Variants in DDX25 observed in about 807,000 individuals in gnomAD.
The protein encoded by DDX25 is DEAD-box helicase 25.
DDX25 carries 70 observed loss-of-function variants against 64.6 expected under a neutral mutation model. The observed-to-expected ratio is 1.08, with a 90% CI of 0.89 to 1.32. The LOEUF (loss-of-function observed/expected upper bound fraction) is 1.32, where lower values mean the gene tolerates loss of function less well. DDX25 is among the 40% of genes most tolerant of loss of function. The probability of loss-of-function intolerance (pLI) is 0.00; values close to 1 mark genes in which losing one functional copy is unlikely to be tolerated. For missense variants in DDX25, 587 were observed against 604.4 expected, an observed-to-expected ratio of 0.97 and a Z score of 0.30; for synonymous variants, 211 against 213.3, an observed-to-expected ratio of 0.99 and a Z score of 0.09.
In DDX25 at chr11:125,914,866, A is replaced by G. The variant is rs1315533451; in HGVS notation, c.801-2148A>G. Among the ~76,000 whole-genome samples the G allele has an allele frequency of 1.3e-5, 2 of 152,180 alleles. 1 individual carries two copies. The highest frequency in any genetic ancestry group is 2.9e-5 in the Non-Finnish European group (2 of 68,040). On this transcript the variant is annotated intron_variant, in intron 8 of 11. Transcript: ENST00000263576. ...GTTCTCCTGCCTCAGCCTCAAGAGT[A>G]GCTGTAGCTGGGATCACAGGCACGT...
In DDX25 at chr11:125,923,132, A is replaced by G; in HGVS notation, c.*251A>G. The G allele has an allele frequency of 2.2e-6, 1 of 450,382 alleles. No homozygotes were observed. 27.9% of individuals were successfully genotyped at this position (450,382 alleles called of 1,614,324 possible). On this transcript the variant is annotated 3_prime_UTR_variant, in exon 12 of 12. Transcript: ENST00000263576. ...CTAATCTTTGTACAGGTAATGTCTC[A>G]ATGTGGGCTATGGGGGTGTTTTTGG... is the stretch of plus-strand genomic sequence containing the variant.
chr11:125,906,728 A>C (rs544222595), intron 4 of DDX25, among the ~76,000 whole-genome samples: 13 of 147,550 alleles, frequency 8.8e-5, no homozygotes, highest in Admixed American at 8.4e-4. Flanking sequence ...CGGGAGGCTG[A>C]GGTAGGAGAA....
rs1312144515 is a variant in DDX25, at chr11:125,905,584, TGAA to T, written c.168_170del (p.Glu56del). 3.8e-5 allele frequency: 59 copies of T among 1,551,632 alleles called. No individual in the cohort carries two copies. Among genetic ancestry groups the T allele is most frequent in the Non-Finnish European group, 4.6e-5 (53 of 1,146,878 alleles). On this transcript the variant is annotated inframe_deletion, in exon 3 of 12. Transcript: ENST00000263576. ...CTATTAATAACATCAATGAAGATGATGAAGAAGATGTAGGTAGGAGATGAATTC... is the reference window on the plus strand; with the variant it reads ...CTATTAATAACATCAATGAAGATGATGAAGATGTAGGTAGGAGATGAATTC...
rs1945115419 is a variant in DDX25, at chr11:125,921,496, G to A, written c.1390+117G>A. 8.5e-7 allele frequency: 1 copy of A among 1,176,494 alleles called. No individual in the cohort carries two copies. The highest frequency in any genetic ancestry group is 1.5e-5 in the African/African-American group (1 of 64,706). The allele number at this position is 1,176,494 out of a possible 1,614,324, so 72.9% of individuals were successfully genotyped here. ...AGAGTAGTAGAAGCAGAATGCATGAGCTGGAAGGCTTCTAATTCACAGGAC... is the reference window on the plus strand; with the variant it reads ...AGAGTAGTAGAAGCAGAATGCATGAACTGGAAGGCTTCTAATTCACAGGAC... On this transcript the variant is annotated intron_variant, in intron 11 of 11. Transcript: ENST00000263576. This position sits in a 1 kb window ranked among gnomAD's most constrained non-coding sequence, Gnocchi z 4.1.
At chr11:125,909,279 G>A (rs565107339) in intron 6 of DDX25, among the ~76,000 whole-genome samples, 9 of 152,256 alleles carry the variant, frequency 5.9e-5, no homozygotes, top group East Asian at 1.9e-4. Context: ...GAAATCTTAC[G>A]CATTTTAGAC....
rs766209851 is a variant in DDX25, at chr11:125,911,484, C to G, written c.796C>G (p.Gln266Glu). The change falls in exon 8 of 12, where the codon CAA becomes GAA. Residue 266 changes from glutamine (Q) to glutamate (E), a missense_variant. Coordinates refer to ENST00000263576, the MANE Select transcript of DDX25 (RefSeq NM_013264.5). ...ATTCTCAGATCATAGTATTCGTATT[C>G]AAAGGTAATCTTCAGAGTCTTCCTC... ...QGFSDHSIRIQRALPSECQML... is the reference protein window; with the variant it reads ...QGFSDHSIRIERALPSECQML... 45 of 1,613,242 alleles carry G rather than the reference C, an allele frequency of 2.8e-5. No individual in the cohort carries two copies. In the Admixed American group the frequency reaches 7.5e-4, roughly 27 times the overall value.
intron 10 of DDX25, among the ~76,000 whole-genome samples, chr11:125,919,169 T>C (rs530761928): frequency 6.6e-6 from 1 of 152,354 alleles, no homozygotes; most frequent in Admixed American, 6.5e-5. Context: ...TAGTATTCTA[T>C]TGACAGTTCG....
intron 7 of DDX25, 84 bp from the exon 8 acceptor site, chr11:125,911,227 G>A (rs1454014188): frequency 8.3e-7 from 1 of 1,211,010 alleles, no homozygotes; most frequent in Non-Finnish European, 1.1e-6. Flanking sequence ...TTTTGCTTAT[G>A]AGCTTTATAT....
intron 6 of DDX25, 137 bp from the exon 7 acceptor site, chr11:125,910,227 A>G: frequency 1.5e-6 from 1 of 662,712 alleles, no homozygotes. Flanking sequence ...AACTGTATCC[A>G]ATTAAAAATA....
At position 125,921,510 on chromosome 11, in the gene DDX25, A is replaced by G; in HGVS notation, c.1390+131A>G. 1 of 983,454 alleles carries G rather than the reference A, an allele frequency of 1.0e-6. No homozygotes were observed. The highest frequency in any genetic ancestry group is 1.5e-6 in the Non-Finnish European group (1 of 685,772). 60.9% of individuals were successfully genotyped at this position (983,454 alleles called of 1,614,324 possible). Reference sequence around the variant, plus strand: ...AGAATGCATGAGCTGGAAGGCTTCTAATTCACAGGACCAGGGTTCTAATAT... The same window carrying G: ...AGAATGCATGAGCTGGAAGGCTTCTGATTCACAGGACCAGGGTTCTAATAT... On this transcript the variant is annotated intron_variant, in intron 11 of 11. Transcript: ENST00000263576. This position sits in a 1 kb window ranked among gnomAD's most constrained non-coding sequence, Gnocchi z 4.1.
chr11:125,921,419 C>A lies in DDX25; in HGVS notation c.1390+40C>A. On this transcript the variant is annotated intron_variant, in intron 11 of 11. Transcript: ENST00000263576. This position sits in a 1 kb window ranked among gnomAD's most constrained non-coding sequence, Gnocchi z 4.1. ...CCTCACAATATGAACTACAGACCTG[C>A]CGGTCTGACAGTGATGATGTGTGCT... 1.3e-6 allele frequency: 2 copies of A among 1,593,846 alleles called. No homozygotes were observed. The highest frequency in any genetic ancestry group is 1.1e-5 in the South Asian group (1 of 88,134).
At chr11:125,905,390 G>A (rs2134271571) in intron 2 of DDX25, 112 bp downstream of exon 2, 1 of 1,355,234 alleles carries the variant, frequency 7.4e-7, no homozygotes, top group Non-Finnish European at 1.0e-6. Context: ...GTGACATTCA[G>A]CACTCTCCAT....
upstream of DDX25, among the ~76,000 whole-genome samples, chr11:125,903,934 A>G (rs1944835680): frequency 6.6e-6 from 1 of 152,226 alleles, no homozygotes; most frequent in Non-Finnish European, 1.5e-5. Context: ...TAAAAAGCCT[A>G]TGTGGAACAT....
In DDX25 at chr11:125,905,330, T is replaced by C. The variant is rs1050142199; in HGVS notation, c.130+52T>C. 1.9e-6 allele frequency: 3 copies of C among 1,542,618 alleles called. No individual in the cohort carries two copies. The Admixed American group carries it at 5.9e-5, about 30-fold the overall frequency. On this transcript the variant is annotated intron_variant, in intron 2 of 11. Coordinates refer to ENST00000263576, the MANE Select transcript of DDX25 (RefSeq NM_013264.5). ...CGACCTCAATGATTAAAAAGTATTG[T>C]TTTGCTTTCATCACGTCCCTGCCAA...
rs1038482089 is a variant in DDX25, at chr11:125,908,510, G to T, written c.507+7G>T. On this transcript the variant is annotated splice_region_variant and intron_variant, in intron 6 of 11. Coordinates refer to ENST00000263576, the MANE Select transcript of DDX25 (RefSeq NM_013264.5). ...CTTGGAATTGTTCCCACAGGTAAGG[G>T]AAGGCTGAGAGAAGACTGGGAATGC... The T allele has an allele frequency of 3.7e-6, 6 of 1,612,618 alleles. No homozygotes were observed. Among genetic ancestry groups the T allele is most frequent in the Admixed American group, 3.3e-5 (2 of 60,010 alleles).
At chr11:125,919,210 G>C (rs566013528) in intron 10 of DDX25, among the ~76,000 whole-genome samples, 2 of 152,194 alleles carry the variant, frequency 1.3e-5, no homozygotes, top group Non-Finnish European at 2.9e-5. Flanking sequence ...CATTTGGACT[G>C]CTTTCAGTTT....
intron 7 of DDX25, among the ~76,000 whole-genome samples, chr11:125,910,689 A>G (rs1226212812): frequency 6.6e-6 from 1 of 152,216 alleles, no homozygotes; most frequent in Non-Finnish European, 1.5e-5. Context: ...TGTTAGCCAC[A>G]TCATTTCCAC....
intron 4 of DDX25, 83 bp downstream of exon 4, chr11:125,906,292 G>T: frequency 2.8e-6 from 4 of 1,409,646 alleles, no homozygotes; most frequent in East Asian, 2.7e-5. Context: ...AAACCATCAG[G>T]ATCTCCTCTT....
At position 125,910,004 on chromosome 11, in the gene DDX25, G is replaced by A. The variant is rs78656632; in HGVS notation, c.508-360G>A. Among the ~76,000 whole-genome samples the A allele has an allele frequency of 6.6e-3, 1,009 of 152,202 alleles. 12 individuals carry two copies. The highest frequency in any genetic ancestry group is 0.023 in the African/African-American group (951 of 41,522). On this transcript the variant is annotated intron_variant, in intron 6 of 11. Transcript: ENST00000263576. ...AATGAGAGGCTATGGGATAGAGCTC[G>A]AACTGTAATTTGCCTCGCATTCATT...
Sources: allele counts gnomAD v4.1 joint callset (sites outside exome capture counted in the v4.1 genomes callset), GRCh38; gene constraint gnomAD v4.1.1; non-coding constraint Gnocchi (gnomAD v3.1); transcripts MANE v1.5; gene names NCBI Gene and HGNC (gene_info 2026-07-23, HGNC 2026-07-21).